Variants in B3GALT1 observed in about 807,000 individuals in gnomAD.
B3GALT1 encodes the protein beta-1,3-galactosyltransferase 1.
In B3GALT1, 10 loss-of-function variants were observed where a neutral mutation model predicts 23.2. That is an observed-to-expected ratio of 0.43 (90% confidence interval 0.27 to 0.73). The LOEUF (loss-of-function observed/expected upper bound fraction) is 0.73, where lower values mean the gene tolerates loss of function less well. B3GALT1 is among the 30% of genes least tolerant of loss of function. The pLI is 0.21. For missense variants in B3GALT1, 299 were observed against 405.4 expected, an observed-to-expected ratio of 0.74 and a Z score of 2.25; for synonymous variants, 156 against 141.5, an observed-to-expected ratio of 1.10 and a Z score of -0.73.
At chr2:167,770,046 G>T (rs1688046014) in intron 3 of B3GALT1, among the ~76,000 whole-genome samples, 1 of 152,152 alleles carries the variant, frequency 6.6e-6, no homozygotes, top group African/African-American at 2.4e-5. Context: ...ATCCTTCTCT[G>T]TACTTGGTAT....
At chr2:167,689,919 G>T (rs1686682555) in intron 3 of B3GALT1, among the ~76,000 whole-genome samples, 1 of 152,152 alleles carries the variant, frequency 6.6e-6, no homozygotes, top group Non-Finnish European at 1.5e-5. Context: ...GGCATTACTT[G>T]ATATTGAAAA....
intron 2 of B3GALT1, among the ~76,000 whole-genome samples, chr2:167,618,981 G>A (rs910876567): frequency 7.3e-5 from 11 of 151,462 alleles, no homozygotes; most frequent in African/African-American, 2.7e-4. Flanking sequence ...TATCTTATGG[G>A]AAAATACTTT....
At chr2:167,351,473 G>A (rs1411269889) in intron 1 of B3GALT1, among the ~76,000 whole-genome samples, 1 of 152,070 alleles carries the variant, frequency 6.6e-6, no homozygotes, top group Non-Finnish European at 1.5e-5. Context: ...TGGCAATTTT[G>A]CATTAATTAC....
chr2:167,564,107 G>A (rs1164394391), intron 2 of B3GALT1, among the ~76,000 whole-genome samples: 2 of 151,554 alleles, frequency 1.3e-5, no homozygotes, highest in Admixed American at 6.6e-5. Flanking sequence ...CCTCTCAGAC[G>A]GGGCGGCTGC....
intron 4 of B3GALT1, among the ~76,000 whole-genome samples, chr2:167,834,187 T>C (rs10191087): frequency 0.013 from 2,009 of 152,308 alleles, 39 homozygotes; most frequent in African/African-American, 0.046. Context: ...CATGTCTTTA[T>C]ACTCAGATTA....
At chr2:167,865,205 T>G (rs1250837249) in intron 4 of B3GALT1, among the ~76,000 whole-genome samples, 1 of 151,532 alleles carries the variant, frequency 6.6e-6, no homozygotes, top group Non-Finnish European at 1.5e-5. Flanking sequence ...GGTCAGGAGT[T>G]GGAGACCAGC....
intron 3 of B3GALT1, among the ~76,000 whole-genome samples, chr2:167,772,532 A>G (rs1204337215): frequency 6.6e-6 from 1 of 152,186 alleles, no homozygotes; most frequent in South Asian, 2.1e-4. Context: ...GCTATCCTTT[A>G]TCACCTTACC....
intron 2 of B3GALT1, among the ~76,000 whole-genome samples, chr2:167,566,754 A>T (rs1325162473): frequency 6.6e-6 from 1 of 152,152 alleles, no homozygotes; most frequent in Admixed American, 6.5e-5. Context: ...GAAGTGCAAA[A>T]GGGTGGTAAT....
intron 1 of B3GALT1, among the ~76,000 whole-genome samples, chr2:167,404,001 G>A (rs1698235754): frequency 6.6e-6 from 1 of 152,104 alleles, no homozygotes; most frequent in Non-Finnish European, 1.5e-5. Context: ...GGAATACCCA[G>A]GGCTGAGTAA....
chr2:167,594,697 G>A (rs1396428315), intron 2 of B3GALT1, among the ~76,000 whole-genome samples: 1 of 152,146 alleles, frequency 6.6e-6, no homozygotes, highest in African/African-American at 2.4e-5. Context: ...CAGATCACCT[G>A]AGGTCATGAG....
intron 1 of B3GALT1, among the ~76,000 whole-genome samples, chr2:167,406,540 A>G (rs934498237): frequency 4.6e-5 from 7 of 152,136 alleles, no homozygotes; most frequent in Admixed American, 3.3e-4. Context: ...CTCAATTCAC[A>G]GTTTATGTAC....
intron 3 of B3GALT1, among the ~76,000 whole-genome samples, chr2:167,798,313 C>T (rs1354298946): frequency 6.6e-6 from 1 of 152,154 alleles, no homozygotes; most frequent in Non-Finnish European, 1.5e-5. Context: ...TCATTTTTAG[C>T]TTCTGTTGCC....
At chr2:167,502,394 C>T (rs1024686962) in intron 2 of B3GALT1, among the ~76,000 whole-genome samples, 1 of 152,172 alleles carries the variant, frequency 6.6e-6, no homozygotes. Context: ...TGTAGGACCA[C>T]AAATGTATAG....
intron 3 of B3GALT1, among the ~76,000 whole-genome samples, 106 bp from the exon 4 acceptor site, chr2:167,818,566 C>T (rs1031259833): frequency 5.3e-5 from 8 of 152,156 alleles, no homozygotes; most frequent in African/African-American, 1.9e-4. Context: ...TTGTATTGTC[C>T]TTAAATAGAA....
chr2:167,663,923 C>G (rs1009020286), intron 3 of B3GALT1, among the ~76,000 whole-genome samples: 4 of 151,270 alleles, frequency 2.6e-5, no homozygotes, highest in African/African-American at 9.7e-5. Context: ...CCTGTTCACT[C>G]TGATGGTAGT....
At chr2:167,520,786 C>T (rs908685578) in intron 2 of B3GALT1, among the ~76,000 whole-genome samples, 1 of 152,122 alleles carries the variant, frequency 6.6e-6, no homozygotes, top group Non-Finnish European at 1.5e-5. Flanking sequence ...GTTAAAATTT[C>T]CGTTGAAATC....
intron 3 of B3GALT1, among the ~76,000 whole-genome samples, chr2:167,682,325 A>G (rs1342616397): frequency 6.6e-6 from 1 of 152,242 alleles, no homozygotes; most frequent in East Asian, 1.9e-4. Flanking sequence ...TATGAAAATA[A>G]TTCTTCATCC....
intron 2 of B3GALT1, among the ~76,000 whole-genome samples, chr2:167,512,555 T>TATTTTTTGAGATAG (rs1491248412): frequency 1.1e-5 from 1 of 90,734 alleles, no homozygotes; most frequent in African/African-American, 6.5e-5. Context: ...TGTATATATA[T>TATTTTTTGAGATAG]GTATATATAT....
At chr2:167,508,000 A>G (rs1699946814) in intron 2 of B3GALT1, among the ~76,000 whole-genome samples, 1 of 152,096 alleles carries the variant, frequency 6.6e-6, no homozygotes, top group African/African-American at 2.4e-5. Flanking sequence ...CAGACTGCCG[A>G]CTTCTCTTTG....
Sources: gnomAD v4.1 joint callset for allele counts (sites outside exome capture counted in the v4.1 genomes callset) on GRCh38, gnomAD v4.1.1 for gene constraint, MANE v1.5 for transcripts, NCBI Gene and HGNC (gene_info 2026-07-23, HGNC 2026-07-21) for gene names.